SORL1: variants seen among roughly 807,000 people sequenced by gnomAD.
SORL1 encodes sortilin related receptor 1.
In SORL1, 127 loss-of-function variants were observed where a neutral mutation model predicts 273.7. That is an observed-to-expected ratio of 0.46 (90% confidence interval 0.40 to 0.54). The LOEUF (loss-of-function observed/expected upper bound fraction) is 0.54. SORL1 is among the 20% of genes least tolerant of loss of function. The probability of loss-of-function intolerance (pLI) is 0.00; values close to 1 mark genes in which losing one functional copy is unlikely to be tolerated. For missense variants in SORL1, 2,494 were observed against 2,846.1 expected (o/e 0.88, Z 2.81); for synonymous variants, 1,031 against 1,067.4 (o/e 0.97, Z 0.66).
chr11:121,569,937 T>C (rs1320499896), intron 22 of SORL1, among the ~76,000 whole-genome samples: 3 of 152,148 alleles, frequency 2.0e-5, no homozygotes, highest in Non-Finnish European at 4.4e-5. Context: ...AAAATTTCTC[T>C]CTTTTTTTAC....
rs1214490517 is a variant in SORL1, at chr11:121,477,946, C to T, written c.403-172C>T. On this transcript the variant is annotated intron_variant, in intron 2 of 47. Transcript: ENST00000260197. ...ACTTGGGAGGCTGAGGCAAGAGAAT[C>T]GCTTGAACCCGGGAGGCAGAGGTTG... Among the ~76,000 whole-genome samples, 4 of 150,278 alleles carry T rather than the reference C, an allele frequency of 2.7e-5. No individual in the cohort carries two copies. In the East Asian group the frequency reaches 5.9e-4, roughly 22 times the overall value.
intron 6 of SORL1, among the ~76,000 whole-genome samples, chr11:121,511,178 G>A (rs1454130869): frequency 6.6e-6 from 1 of 151,952 alleles, no homozygotes; most frequent in African/African-American, 2.4e-5. Flanking sequence ...GATGCATTTT[G>A]AGATTTTTTT....
At chr11:121,597,391 T>C (rs994260412) in intron 32 of SORL1, among the ~76,000 whole-genome samples, 14 of 152,224 alleles carry the variant, frequency 9.2e-5, no homozygotes, top group Non-Finnish European at 1.2e-4. Context: ...ACAAATTCTT[T>C]GTGTTTTTTT....
At chr11:121,580,827 A>G (rs927933207) in intron 25 of SORL1, among the ~76,000 whole-genome samples, 1 of 149,882 alleles carries the variant, frequency 6.7e-6, no homozygotes. Flanking sequence ...CTGGTCTCGA[A>G]CTCCTGGGTG....
At chr11:121,493,349 C>T (rs536111748) in intron 5 of SORL1, among the ~76,000 whole-genome samples, 11 of 152,238 alleles carry the variant, frequency 7.2e-5, no homozygotes, top group East Asian at 1.9e-4. Flanking sequence ...CTCTGCCTCC[C>T]GGATTCAAGT....
chr11:121,612,788 AGAG>A lies in SORL1; in HGVS notation c.5379_5381del (p.Arg1794del), dbSNP rs1863586132. The A allele has an allele frequency of 3.7e-6, 6 of 1,614,132 alleles. No individual in the cohort carries two copies. Among genetic ancestry groups the A allele is most frequent in the Non-Finnish European group, 5.1e-6 (6 of 1,179,964 alleles). ...TGGGCATTTGACACCCACAAGCAAGAGAGGAGAACTTTGAACTTCCGAGGAAGC... is the reference window on the plus strand; with the variant it reads ...TGGGCATTTGACACCCACAAGCAAGAGAGAACTTTGAACTTCCGAGGAAGC... On this transcript the variant is annotated inframe_deletion, in exon 40 of 48. Transcript: ENST00000260197.
intron 7 of SORL1, 117 bp downstream of exon 7, chr11:121,513,221 G>A: frequency 1.3e-6 from 1 of 778,124 alleles, no homozygotes; most frequent in Non-Finnish European, 2.3e-6. Context: ...CCTCCCTGAA[G>A]TCAGGTCTCT....
chr11:121,474,210 T>A (rs1037589445), intron 2 of SORL1, among the ~76,000 whole-genome samples: 3 of 152,200 alleles, frequency 2.0e-5, no homozygotes, highest in Non-Finnish European at 4.4e-5. Context: ...AAAGTGTGGT[T>A]GTGGTCTGTG....
intron 7 of SORL1, 87 bp downstream of exon 7, chr11:121,513,191 G>C: frequency 5.1e-6 from 5 of 976,084 alleles, no homozygotes; most frequent in Non-Finnish European, 8.3e-6. Context: ...ATGGCCTGCT[G>C]GAGTGGATAT....
At position 121,627,790 on chromosome 11, in the gene SORL1, G is replaced by T. The variant is rs1291138921; in HGVS notation, c.6577+23G>T. ...TGGGTAAGTGGGGCAGGGAGAGTCG[G>T]TTCTTCCTCCCAGGGCTGACCCCCA... is the stretch of plus-strand genomic sequence containing the variant. On this transcript the variant is annotated intron_variant, in intron 47 of 47. Transcript: ENST00000260197. This position sits in a 1 kb window ranked among gnomAD's most constrained non-coding sequence, Gnocchi z 4.9. 6.4e-7 allele frequency: 1 copy of T among 1,572,074 alleles called. No individual in the cohort carries two copies.
At chr11:121,502,631 A>G (rs1418003889) in intron 6 of SORL1, among the ~76,000 whole-genome samples, 1 of 152,118 alleles carries the variant, frequency 6.6e-6, no homozygotes, top group African/African-American at 2.4e-5. Flanking sequence ...TGAATTCCTG[A>G]TGGCTAAGGA....
At chr11:121,609,632 C>T (rs1863530849) in intron 38 of SORL1, 1 of 152,116 alleles carries the variant, frequency 6.6e-6, no homozygotes, top group Non-Finnish European at 1.5e-5. Context: ...GTGCCACATC[C>T]AAAAAGTGTT....
chr11:121,595,785 A>G lies in SORL1; in HGVS notation c.4519+13A>G, dbSNP rs780743551. On this transcript the variant is annotated intron_variant, in intron 32 of 47. Transcript: ENST00000260197. The surrounding 1 kb of genome is among the most constrained non-coding windows in gnomAD (Gnocchi z 5.1). ...GAGGCCAATTGCCGTGAGTAGTCAG[A>G]GAGCCCTTCACCCCCTGGGCACGTT... 46 of 1,609,758 alleles carry G rather than the reference A, an allele frequency of 2.9e-5. 1 individual carries two copies. In the South Asian group the frequency reaches 4.0e-4, roughly 14 times the overall value.
At chr11:121,561,136 GT>G (rs1301165639) in intron 21 of SORL1, among the ~76,000 whole-genome samples, 2 of 152,200 alleles carry the variant, frequency 1.3e-5, no homozygotes, top group African/African-American at 4.8e-5. Flanking sequence ...TTACCACTTA[GT>G]CCAGAAGAGT....
intron 6 of SORL1, among the ~76,000 whole-genome samples, chr11:121,500,085 T>A (rs1861689659): frequency 6.6e-6 from 1 of 152,222 alleles, no homozygotes; most frequent in Non-Finnish European, 1.5e-5. Flanking sequence ...CTTTTTGACA[T>A]GAAGTTCACT....
intron 3 of SORL1, among the ~76,000 whole-genome samples, chr11:121,478,641 T>C (rs1197262477): frequency 6.6e-6 from 1 of 152,184 alleles, no homozygotes; most frequent in Non-Finnish European, 1.5e-5. Context: ...CGTGCTTGTA[T>C]GCGTGTGTGT....
intron 31 of SORL1, among the ~76,000 whole-genome samples, chr11:121,594,363 A>C (rs1294681489): frequency 6.6e-6 from 1 of 151,822 alleles, no homozygotes; most frequent in East Asian, 1.9e-4. Context: ...AACTCTTGTC[A>C]TTCATATATT....
chr11:121,613,090 A>G (rs1565354734), intron 40 of SORL1, among the ~76,000 whole-genome samples: 1 of 152,192 alleles, frequency 6.6e-6, no homozygotes, highest in Non-Finnish European at 1.5e-5. Flanking sequence ...TAAGGAGGAA[A>G]ATTGGACAGA....
At chr11:121,598,900 G>T (rs1863343059) in intron 32 of SORL1, among the ~76,000 whole-genome samples, 1 of 152,056 alleles carries the variant, frequency 6.6e-6, no homozygotes, top group Non-Finnish European at 1.5e-5. Context: ...CTGCCTGAAG[G>T]GTCTTTTCTT....
Sources: gnomAD v4.1 joint callset for allele counts (sites outside exome capture counted in the v4.1 genomes callset) on GRCh38, gnomAD v4.1.1 for gene constraint, Gnocchi (gnomAD v3.1) non-coding constraint, MANE v1.5 for transcripts, NCBI Gene and HGNC (gene_info 2026-07-23, HGNC 2026-07-21) for gene names.